HS6ST2: variants seen among roughly 807,000 people sequenced by gnomAD.
HS6ST2 encodes heparan-sulfate 6-O-sulfotransferase 2.
In HS6ST2, 17 loss-of-function variants were observed where a neutral mutation model predicts 33.0. The ratio of observed to expected loss-of-function variants is 0.52; its 90% CI spans 0.35 to 0.77. The LOEUF (loss-of-function observed/expected upper bound fraction) is 0.77. Among genes scored for constraint, HS6ST2 ranks in the 30% least tolerant of loss-of-function variants. HS6ST2 has a pLI of 0.01. For synonymous variants in HS6ST2, 248 were observed against 237.1 expected (o/e 1.05, Z -0.42); for missense variants, 519 against 551.7 (o/e 0.94, Z 0.59).
intron 2 of HS6ST2, among the ~76,000 whole-genome samples, chrX:132,782,332 G>C (rs766335557): frequency 4.5e-5 from 5 of 111,895 alleles, no homozygotes; most frequent in Non-Finnish European, 7.5e-5. Flanking sequence ...AAAGATCTCT[G>C]TCAGCGGCAT....
chrX:132,776,812 T>A (rs1321970478), intron 2 of HS6ST2, among the ~76,000 whole-genome samples: 1 of 111,171 alleles, frequency 9.0e-6, no homozygotes, highest in Non-Finnish European at 1.9e-5. Context: ...CCATAGCACA[T>A]GCAATTTTCT....
At chrX:132,898,347 T>C (rs1006611028) in intron 2 of HS6ST2, among the ~76,000 whole-genome samples, 2 of 102,694 alleles carry the variant, frequency 1.9e-5, no homozygotes, top group African/African-American at 7.1e-5. Flanking sequence ...AAAAAAGGTG[T>C]CCTGTCATAT....
At chrX:132,934,513 CACTT>C (rs2066805334) in intron 2 of HS6ST2, among the ~76,000 whole-genome samples, 1 of 111,670 alleles carries the variant, frequency 9.0e-6, no homozygotes, top group Non-Finnish European at 1.9e-5. Context: ...TCTAGGAAAA[CACTT>C]AAAGAGCTTA....
At chrX:132,922,474 C>T (rs763519625) in intron 2 of HS6ST2, among the ~76,000 whole-genome samples, 5 of 111,995 alleles carry the variant, frequency 4.5e-5, no homozygotes, top group Non-Finnish European at 7.5e-5. Context: ...GCCACATGGC[C>T]ATGGTCCTTA....
chrX:132,740,588 A>G (rs768770193), intron 2 of HS6ST2, among the ~76,000 whole-genome samples: 4 of 112,243 alleles, frequency 3.6e-5, no homozygotes, highest in Non-Finnish European at 7.5e-5. Context: ...AAGAAAAAAG[A>G]GAAGAAAGGG....
intron 3 of HS6ST2, among the ~76,000 whole-genome samples, chrX:132,704,210 G>A (rs912802983): frequency 1.6e-4 from 18 of 112,061 alleles, no homozygotes; most frequent in African/African-American, 4.2e-4. Flanking sequence ...TGGCACGTGC[G>A]TTTCTTAAAC....
intron 2 of HS6ST2, among the ~76,000 whole-genome samples, chrX:132,806,595 A>G (rs1335781696): frequency 1.8e-5 from 2 of 110,398 alleles, no homozygotes; most frequent in Non-Finnish European, 3.8e-5. Context: ...CAACTCTGCT[A>G]TGATAGAGCA....
intron 2 of HS6ST2, among the ~76,000 whole-genome samples, chrX:132,825,900 T>A (rs1026935967): frequency 1.8e-5 from 2 of 112,035 alleles, no homozygotes; most frequent in Non-Finnish European, 3.8e-5. Context: ...TGTAGATGTG[T>A]TCAAGCTGTC....
At chrX:132,870,188 T>C (rs1158597473) in intron 2 of HS6ST2, among the ~76,000 whole-genome samples, 2 of 110,592 alleles carry the variant, frequency 1.8e-5, no homozygotes, top group Non-Finnish European at 3.8e-5. Context: ...GAGAATAAAA[T>C]ACCTAGGAAT....
chrX:132,750,194 G>A (rs1235554088), intron 2 of HS6ST2, among the ~76,000 whole-genome samples: 1 of 110,547 alleles, frequency 9.0e-6, no homozygotes, highest in Admixed American at 9.6e-5. Flanking sequence ...GGACACAGTC[G>A]AGTTTGGGCA....
At chrX:132,644,994 C>T (rs977757596) in intron 4 of HS6ST2, among the ~76,000 whole-genome samples, 2 of 111,508 alleles carry the variant, frequency 1.8e-5, no homozygotes, top group East Asian at 2.8e-4. Flanking sequence ...TCCTTAGTTA[C>T]TATTTCTTTG....
intron 2 of HS6ST2, among the ~76,000 whole-genome samples, chrX:132,951,980 A>G (rs1602927478): frequency 8.9e-6 from 1 of 112,423 alleles, no homozygotes; most frequent in East Asian, 2.8e-4. Context: ...TCCCTGGAAT[A>G]TAATGAACAG....
At chrX:132,665,626 C>T (rs1329771850) in intron 4 of HS6ST2, among the ~76,000 whole-genome samples, 1 of 111,700 alleles carries the variant, frequency 9.0e-6, no homozygotes, top group East Asian at 2.8e-4. Flanking sequence ...GCCAGAATAA[C>T]AGGTTCACAT....
intron 2 of HS6ST2, among the ~76,000 whole-genome samples, chrX:132,941,165 G>A (rs1328902274): frequency 2.7e-5 from 3 of 111,432 alleles, no homozygotes; most frequent in Non-Finnish European, 3.8e-5. Context: ...TCATACATAC[G>A]AACACTGTAT....
At chrX:132,926,180 G>GT (rs1313887466) in intron 2 of HS6ST2, among the ~76,000 whole-genome samples, 1 of 112,645 alleles carries the variant, frequency 8.9e-6, no homozygotes, top group African/African-American at 3.2e-5. Flanking sequence ...AGAAATCTGC[G>GT]TTTTTGGAGA....
intron 2 of HS6ST2, among the ~76,000 whole-genome samples, chrX:132,725,663 T>C (rs774075043): frequency 1.4e-4 from 16 of 112,230 alleles, no homozygotes; most frequent in African/African-American, 4.9e-4. Context: ...CTGCTGAGTA[T>C]ATATGCAAGA....
intron 2 of HS6ST2, among the ~76,000 whole-genome samples, chrX:132,767,411 G>A (rs2064859336): frequency 9.0e-6 from 1 of 111,574 alleles, no homozygotes; most frequent in Admixed American, 9.5e-5. Context: ...TAGTGAAGAG[G>A]TCTCGCTGTT....
chrX:132,713,958 A>G (rs2064253042), intron 2 of HS6ST2, among the ~76,000 whole-genome samples: 1 of 111,887 alleles, frequency 8.9e-6, no homozygotes, highest in South Asian at 3.8e-4. Flanking sequence ...CAGTCCTATG[A>G]CATTTAAACA....
chrX:132,655,819 G>A (rs1029534785), intron 4 of HS6ST2, among the ~76,000 whole-genome samples: 12 of 111,680 alleles, frequency 1.1e-4, no homozygotes, highest in Non-Finnish European at 1.9e-4. Context: ...TAGCTACAAT[G>A]TGTATGTATA....
Sources: allele counts gnomAD v4.1 joint callset (sites outside exome capture counted in the v4.1 genomes callset), GRCh38; gene constraint gnomAD v4.1.1; transcripts MANE v1.5; gene names NCBI Gene and HGNC (gene_info 2026-07-23, HGNC 2026-07-21).